The following SLC36A1 variants were observed in gnomAD, a reference collection of about 807,000 sequenced individuals.
SLC36A1 encodes the protein proton-coupled amino acid transporter 1.
A neutral mutation model predicts 47.5 loss-of-function variants in SLC36A1; 30 were observed. The ratio of observed to expected loss-of-function variants is 0.63; its 90% CI spans 0.47 to 0.86. SLC36A1 has a LOEUF of 0.86. Ranked by LOEUF, SLC36A1 falls within the 40% of genes least tolerant of loss-of-function variation. The pLI is 0.00. For synonymous variants in SLC36A1, 255 were observed against 249.7 expected, an observed-to-expected ratio of 1.02 and a Z score of -0.20; for missense variants, 517 against 606.0, an observed-to-expected ratio of 0.85 and a Z score of 1.54.
At chr5:151,517,822 GGACT>G in the SLC36A1 span, 2 of 1,594,410 alleles carry the variant, frequency 1.3e-6, no homozygotes, top group Non-Finnish European at 1.7e-6. Context: ...TTGAGCCCTT[GGACT>G]GACTTTGTCT....
At chr5:151,500,791 G>A in the SLC36A1 span, among the ~76,000 whole-genome samples, 1,529 of 152,360 alleles carry the variant, frequency 0.01, 60 homozygotes, top group East Asian at 0.13. Flanking sequence ...TGACGGTCAC[G>A]ATGGTGAACT....
chr5:151,358,838 G>A, the SLC36A1 span, among the ~76,000 whole-genome samples: 36 of 151,138 alleles, frequency 2.4e-4, no homozygotes, highest in South Asian at 1.0e-3. Flanking sequence ...GCCGGGCGCG[G>A]TGGCGGGTGC....
chr5:151,530,258 A>C, the SLC36A1 span, among the ~76,000 whole-genome samples: 2 of 152,102 alleles, frequency 1.3e-5, no homozygotes, highest in African/African-American at 4.8e-5. Flanking sequence ...CCAGAAAAAA[A>C]AAAAAAAGCC....
At chr5:151,461,673 A>G (rs1302681590) in intron 2 of SLC36A1, among the ~76,000 whole-genome samples, 2 of 152,212 alleles carry the variant, frequency 1.3e-5, no homozygotes, top group East Asian at 3.8e-4. Context: ...GTAAAATTAC[A>G]CTGTAGAACG....
chr5:151,370,142 C>T, the SLC36A1 span, among the ~76,000 whole-genome samples: 6 of 152,180 alleles, frequency 3.9e-5, no homozygotes, highest in African/African-American at 1.4e-4. Flanking sequence ...TAAATGTTCT[C>T]TGAACTCACT....
At chr5:151,399,150 G>A in the SLC36A1 span, among the ~76,000 whole-genome samples, 2 of 139,392 alleles carry the variant, frequency 1.4e-5, no homozygotes, top group African/African-American at 5.3e-5. Context: ...GCAGTGGTGC[G>A]ATTTCGGCTC....
At chr5:151,550,963 G>GCA in the SLC36A1 span, 1 of 1,145,146 alleles carries the variant, frequency 8.7e-7, no homozygotes, top group Non-Finnish European at 1.3e-6. Flanking sequence ...CCCAGGCCTA[G>GCA]CACAGTGCCT....
At chr5:151,480,164 C>G in intron 10 of SLC36A1, 1 of 1,080,300 alleles carries the variant, frequency 9.3e-7, no homozygotes. Context: ...AGTTGGTAGA[C>G]TAGAGAACCC....
the SLC36A1 span, among the ~76,000 whole-genome samples, chr5:151,419,072 G>A: frequency 6.6e-6 from 1 of 152,166 alleles, no homozygotes; most frequent in Non-Finnish European, 1.5e-5. Flanking sequence ...TGAAGAAAGT[G>A]CCTGGTTTCT....
chr5:151,531,668 T>A, the SLC36A1 span: 1 of 1,612,952 alleles, frequency 6.2e-7, no homozygotes, highest in Non-Finnish European at 8.5e-7. This position sits in a 1 kb window ranked among gnomAD's most constrained non-coding sequence, Gnocchi z 5.7. Flanking sequence ...CCCGGGCGAG[T>A]GAGGGTGGCC....
the SLC36A1 span, among the ~76,000 whole-genome samples, chr5:151,368,397 T>C: frequency 1.3e-5 from 2 of 152,228 alleles, no homozygotes; most frequent in Non-Finnish European, 2.9e-5. Flanking sequence ...CTAATTAAAA[T>C]GTGTTTTCTT....
the SLC36A1 span, among the ~76,000 whole-genome samples, chr5:151,395,451 T>G: frequency 6.6e-6 from 1 of 152,210 alleles, no homozygotes; most frequent in Non-Finnish European, 1.5e-5. Flanking sequence ...GAGATGAACC[T>G]GGTACCTCAG....
chr5:151,506,504 A>C, the SLC36A1 span, among the ~76,000 whole-genome samples: 1 of 152,172 alleles, frequency 6.6e-6, no homozygotes, highest in South Asian at 2.1e-4. Context: ...TATCATGGAG[A>C]GTGATGAAAT....
the SLC36A1 span, chr5:151,512,168 C>T: frequency 1.3e-5 from 21 of 1,611,280 alleles, no homozygotes; most frequent in Non-Finnish European, 1.8e-5. This position sits in a 1 kb window ranked among gnomAD's most constrained non-coding sequence, Gnocchi z 4.1. Context: ...CCCTCACCTG[C>T]CCCATGGGTC....
the SLC36A1 span, among the ~76,000 whole-genome samples, chr5:151,352,989 A>C: frequency 6.6e-6 from 1 of 152,248 alleles, no homozygotes; most frequent in Admixed American, 6.5e-5. Context: ...CCCCTCTGGA[A>C]TAAGGGTCTT....
intron 10 of SLC36A1, among the ~76,000 whole-genome samples, chr5:151,484,491 G>A (rs569514155): frequency 6.6e-6 from 1 of 152,316 alleles, no homozygotes; most frequent in East Asian, 1.9e-4. Context: ...AGTGAGGTGA[G>A]GAACATATCC....
At chr5:151,435,600 A>G (rs946942386), upstream of SLC36A1, among the ~76,000 whole-genome samples, 1 of 152,126 alleles carries the variant, frequency 6.6e-6, no homozygotes, top group African/African-American at 2.4e-5. Context: ...TTCTGCAGTG[A>G]CTAAAGATAT....
chr5:151,512,806 C>G, the SLC36A1 span: 1 of 594,454 alleles, frequency 1.7e-6, no homozygotes, highest in Non-Finnish European at 3.0e-6. The surrounding 1 kb of genome is among the most constrained non-coding windows in gnomAD (Gnocchi z 4.1). Flanking sequence ...CTCACCACAC[C>G]CCATGGGATG....
chr5:151,516,205 T>TTAAAATTG, the SLC36A1 span, among the ~76,000 whole-genome samples: 2 of 152,200 alleles, frequency 1.3e-5, no homozygotes, highest in South Asian at 2.1e-4. Flanking sequence ...GCCACCTTAT[T>TTAAAATTG]TAAAATTGTA....
Sources: allele counts gnomAD v4.1 joint callset (sites outside exome capture counted in the v4.1 genomes callset), GRCh38; gene constraint gnomAD v4.1.1; non-coding constraint Gnocchi (gnomAD v3.1); transcripts MANE v1.5; gene names NCBI Gene and HGNC (gene_info 2026-07-23, HGNC 2026-07-21).